The following ZNF577 variants were observed in gnomAD, a reference collection of about 807,000 sequenced individuals.
ZNF577 encodes zinc finger protein 577.
ZNF577 carries 14 observed loss-of-function variants against 13.9 expected under a neutral mutation model. The ratio of observed to expected loss-of-function variants is 1.00; its 90% confidence interval spans 0.66 to 1.57. The LOEUF is 1.57. Ranked by LOEUF, ZNF577 falls within the 40% of genes most tolerant of loss-of-function variation. The probability of loss-of-function intolerance (pLI) is 0.00; values close to 1 mark genes in which losing one functional copy is unlikely to be tolerated. For synonymous variants in ZNF577, 203 were observed against 202.9 expected (o/e 1.00, Z 0.00); for missense variants, 555 against 579.2 (o/e 0.96, Z 0.43).
rs1298039842 is a variant in ZNF577 at position 51,878,432 on chromosome 19, G to A, written c.144C>T (p.Tyr48=). 1.9e-6 allele frequency: 3 copies of A among 1,614,046 alleles called. No individual in the cohort carries two copies. The highest frequency in any genetic ancestry group is 2.2e-5 in the South Asian group (2 of 91,072). The part of the protein sequence containing the change: ...QFLDQSQKVL[Y]KEVMLENYIN... The stretch of plus-strand genomic sequence containing the variant: ...TGTAGTTCTCCAACATTACTTCCTT[G>A]TACAAGACCTTCTGAGACTGGTCCA... Residue 48 remains tyrosine (Y), a synonymous_variant, in exon 4 of 6, where the codon TAC becomes TAT. Coordinates refer to ENST00000638348, the MANE Select transcript of ZNF577 (RefSeq NM_001370449.1).
chr19:51,868,355 G>A lies in ZNF577; in HGVS notation c.*4177C>T, dbSNP rs1003985672. 6.6e-6 allele frequency among the ~76,000 whole-genome samples: 1 copy of A among 152,092 alleles called. No individual in the cohort carries two copies. The highest frequency in any genetic ancestry group is 1.5e-5 in the Non-Finnish European group (1 of 68,024). On this transcript the variant is annotated 3_prime_UTR_variant, in exon 6 of 6. Coordinates refer to ENST00000638348, the MANE Select transcript of ZNF577 (RefSeq NM_001370449.1). ...TAAAAGGAGAAAGTCAGCAGAGTAA[G>A]GTTAGGTAAGACCCATGCCCTGAGT...
At position 51,860,763 on chromosome 19, in the gene ZNF577, C is replaced by T. The variant is rs536195815; in HGVS notation, c.284-15832G>A. On this transcript the variant is annotated intron_variant and NMD_transcript_variant, in intron 5 of 10. Coordinates refer to the ZNF577 transcript ENST00000638827. ...ACATTTACTATATTAATAGGGGTTTCCTCTTGTATGAGTTTGCTATAACAA... is the reference window on the plus strand; with the variant it reads ...ACATTTACTATATTAATAGGGGTTTTCTCTTGTATGAGTTTGCTATAACAA... 23 of 285,502 alleles carry T rather than the reference C, an allele frequency of 8.1e-5. 2 individuals are homozygous for T. Among genetic ancestry groups the T allele is most frequent in the South Asian group, 7.0e-4 (23 of 32,650 alleles). The allele number at this position is 285,502 out of a possible 1,614,324, so 17.7% of individuals were successfully genotyped here. A position where few individuals can be genotyped will look rare whatever the true frequency, so the allele number is the denominator to read the frequency against.
chr19:51,857,371 AAAGAAAGAAAG>A (rs2084438652), intron 5 of ZNF577, among the ~76,000 whole-genome samples: 1 of 87,580 alleles, frequency 1.1e-5, no homozygotes, highest in Non-Finnish European at 2.2e-5. Flanking sequence ...GGAAGGAAAG[AAAGAAAGAAAG>A]AAAGAAAGAA....
In ZNF577 at chr19:51,850,176, A is replaced by G. The variant is rs570810783; in HGVS notation, c.284-5245T>C. Among the ~76,000 whole-genome samples the G allele has an allele frequency of 2.6e-5, 4 of 152,174 alleles. No individual in the cohort carries two copies. The South Asian group carries it at 8.3e-4, about 32-fold the overall frequency. ...CCTTGCTCTCAACTCCTGGGAGATGACCTCTAAGCCTCTGAAATTTCCTGC... is the reference window on the plus strand; with the variant it reads ...CCTTGCTCTCAACTCCTGGGAGATGGCCTCTAAGCCTCTGAAATTTCCTGC... On this transcript the variant is annotated intron_variant and NMD_transcript_variant, in intron 5 of 10. Transcript: ENST00000638827.
chr19:51,857,365 GGAAAGAAAGAAAGAAAGAAAGAAA>G lies in ZNF577; in HGVS notation c.284-12458_284-12435del, dbSNP rs369768303. Among the ~76,000 whole-genome samples the G allele has an allele frequency of 1.2e-3, 115 of 93,358 alleles. 5 individuals carry two copies. Among genetic ancestry groups the G allele is most frequent in the Middle Eastern group, 9.8e-3 (2 of 204 alleles). 61.2% of individuals were successfully genotyped at this position (93,358 alleles called of 152,430 possible). A position where few individuals can be genotyped will look rare whatever the true frequency, so the allele number is the denominator to read the frequency against. On this transcript the variant is annotated intron_variant and NMD_transcript_variant, in intron 5 of 10. Transcript: ENST00000638827. Reference sequence around the variant, plus strand: ...AAGAAAGAGAGAAAGAAAGAAGGAAGGAAAGAAAGAAAGAAAGAAAGAAAGAAAGAAAGAAAGAAAGAAAGAAAG... The same window carrying G: ...AAGAAAGAGAGAAAGAAAGAAGGAAGGAAAGAAAGAAAGAAAGAAAGAAAG...
intron 5 of ZNF577, chr19:51,860,750 T>C: frequency 7.2e-6 from 2 of 276,548 alleles, no homozygotes; most frequent in South Asian, 6.6e-5. Flanking sequence ...ATTTACTATA[T>C]TAATAGGGGT....
exon 11 of ZNF577, chr19:51,804,867 C>G (rs191674489): frequency 8.5e-5 from 13 of 152,238 alleles, no homozygotes; most frequent in African/African-American, 3.1e-4. Flanking sequence ...AGGCCCTGAG[C>G]TTTACACGGC....
intron 9 of ZNF577, among the ~76,000 whole-genome samples, chr19:51,816,763 T>C (rs576503418): frequency 6.6e-6 from 1 of 152,320 alleles, no homozygotes; most frequent in Admixed American, 6.5e-5. Flanking sequence ...TTGTGCGATC[T>C]GATGCTATCT....
At chr19:51,804,845 C>T (rs976125928) in exon 11 of ZNF577, 1 of 152,132 alleles carries the variant, frequency 6.6e-6, no homozygotes, top group African/African-American at 2.4e-5. Context: ...GGCACCTTGC[C>T]TCTAGTGGAC....
In ZNF577 at chr19:51,870,992, C is replaced by T. The variant is rs1228991154; in HGVS notation, c.*1540G>A. Among the ~76,000 whole-genome samples the T allele has an allele frequency of 3.3e-5, 5 of 152,116 alleles. No homozygotes were observed. Among genetic ancestry groups the T allele is most frequent in the Non-Finnish European group, 7.3e-5 (5 of 68,032 alleles). On this transcript the variant is annotated 3_prime_UTR_variant, in exon 6 of 6. Coordinates refer to ENST00000638348, the MANE Select transcript of ZNF577 (RefSeq NM_001370449.1). ...AAGGCAGGAGATTATATACATTAGA[C>T]ATTTACTGTAAAAGAAAAAGGGACT...
intron 9 of ZNF577, among the ~76,000 whole-genome samples, chr19:51,832,144 T>C (rs1198918390): frequency 6.6e-6 from 1 of 152,132 alleles, no homozygotes; most frequent in East Asian, 1.9e-4. Context: ...TCTTCATCTA[T>C]TGTAGCAGCC....
chr19:51,811,092 TCAGC>T (rs144132667), intron 10 of ZNF577, among the ~76,000 whole-genome samples: 17,401 of 152,142 alleles, frequency 0.11, 1,120 homozygotes, highest in East Asian at 0.21. Flanking sequence ...ATTTTTAGAT[TCAGC>T]CTGTTGTCCC....
chr19:51,872,726 T>TTCC lies in ZNF577; in HGVS notation c.1261_1263dup (p.Gly421dup). 1 of 1,608,510 alleles carries TTCC rather than the reference T, an allele frequency of 6.2e-7. No homozygotes were observed. The highest frequency in any genetic ancestry group is 8.5e-7 in the Non-Finnish European group (1 of 1,178,010). On this transcript the variant is annotated inframe_insertion, in exon 6 of 6. Coordinates refer to ENST00000638348, the MANE Select transcript of ZNF577 (RefSeq NM_001370449.1). The stretch of plus-strand genomic sequence containing the variant: ...TCACTCTTGTTTAACAATGGCGGGG[T>TTCC]TCCTGAGGAAGGCATTTCTATAGGT...
chr19:51,864,958 T>G (rs1250860793), downstream of ZNF577, among the ~76,000 whole-genome samples: 1 of 152,160 alleles, frequency 6.6e-6, no homozygotes, highest in Non-Finnish European at 1.5e-5. Flanking sequence ...GAGGCCAACT[T>G]AAGTCTTAGG....
intron 5 of ZNF577, among the ~76,000 whole-genome samples, chr19:51,852,151 C>A (rs1207109730): frequency 6.6e-6 from 1 of 152,190 alleles, no homozygotes; most frequent in East Asian, 1.9e-4. Flanking sequence ...CCAGGAGTCC[C>A]AGATTCTGAT....
chr19:51,850,350 T>C (rs1007650296), intron 5 of ZNF577, among the ~76,000 whole-genome samples: 3 of 152,244 alleles, frequency 2.0e-5, no homozygotes, highest in African/African-American at 7.2e-5. Context: ...ATCACGTCTA[T>C]GTGATTGAAC....
intron 1 of ZNF577, among the ~76,000 whole-genome samples, chr19:51,882,494 A>C (rs1269227765): frequency 6.8e-6 from 1 of 146,990 alleles, no homozygotes; most frequent in Admixed American, 6.8e-5. Context: ...AAAAAAAAAA[A>C]ACTAGGGTCT....
chr19:51,809,051 G>T (rs867733334), intron 10 of ZNF577, among the ~76,000 whole-genome samples: 10 of 152,254 alleles, frequency 6.6e-5, no homozygotes, highest in African/African-American at 2.2e-4. Context: ...CTGATATTGG[G>T]TTAGGATTTC....
intron 9 of ZNF577, chr19:51,823,589 G>A (rs576466867): frequency 3.0e-5 from 19 of 638,650 alleles, no homozygotes; most frequent in South Asian, 2.2e-4. Flanking sequence ...AAGGAACTCC[G>A]AGAGAGTGCC....
Sources: allele counts gnomAD v4.1 joint callset (sites outside exome capture counted in the v4.1 genomes callset), GRCh38; gene constraint gnomAD v4.1.1; transcripts MANE v1.5; gene names NCBI Gene and HGNC (gene_info 2026-07-23, HGNC 2026-07-21).